Variants in IFFO2 observed in about 807,000 individuals in gnomAD.
IFFO2 encodes the protein intermediate filament family orphan 2.
A neutral mutation model predicts 53.5 loss-of-function variants in IFFO2; 19 were observed. The ratio of observed to expected loss-of-function variants is 0.36; its 90% CI spans 0.25 to 0.52. IFFO2 has a LOEUF of 0.52. Ranked by LOEUF, IFFO2 falls within the 20% of genes least tolerant of loss-of-function variation. The probability of loss-of-function intolerance (pLI) is 0.94; values close to 1 mark genes in which losing one functional copy is unlikely to be tolerated. For missense variants in IFFO2, 570 were observed against 727.4 expected, an observed-to-expected ratio of 0.78 and a Z score of 2.49; for synonymous variants, 303 against 313.6, an observed-to-expected ratio of 0.97 and a Z score of 0.36.
intron 1 of IFFO2, among the ~76,000 whole-genome samples, chr1:18,948,712 G>C (rs1936621181): frequency 6.6e-6 from 1 of 152,208 alleles, no homozygotes; most frequent in Non-Finnish European, 1.5e-5. Flanking sequence ...TCAAAGGGCT[G>C]TGCAACTCAC....
At chr1:18,913,834 T>C (rs1936085755) in intron 5 of IFFO2, among the ~76,000 whole-genome samples, 1 of 151,810 alleles carries the variant, frequency 6.6e-6, no homozygotes, top group Admixed American at 6.6e-5. Flanking sequence ...TTTTTTTGTT[T>C]GTTTGTTTGT....
chr1:18,945,561 G>A (rs572854625), intron 1 of IFFO2, among the ~76,000 whole-genome samples: 88 of 152,350 alleles, frequency 5.8e-4, no homozygotes, highest in African/African-American at 2.0e-3. Flanking sequence ...CGCTGTCTCC[G>A]CTGCAGGGGC....
chr1:18,918,307 AG>A lies in IFFO2; in HGVS notation c.963+54del. The A allele has an allele frequency of 6.5e-7, 1 of 1,528,510 alleles. No individual in the cohort carries two copies. Among genetic ancestry groups the A allele is most frequent in the East Asian group, 2.5e-5 (1 of 40,382 alleles). The allele number at this position is 1,528,510 out of a possible 1,614,324, so 94.7% of individuals were successfully genotyped here. A position where few individuals can be genotyped will look rare whatever the true frequency, so the allele number is the denominator to read the frequency against. ...GGTTGGCCGGGCAGGGGTGGAGGCC[AG>A]GGCTGCTCTGGGAGAGTGGGGGGTT... On this transcript the variant is annotated intron_variant, in intron 4 of 8. Transcript: ENST00000455833. This position sits in a 1 kb window ranked among gnomAD's most constrained non-coding sequence, Gnocchi z 5.2.
chr1:18,926,117 AGATG>A (rs150662588), intron 1 of IFFO2, among the ~76,000 whole-genome samples: 12,979 of 35,534 alleles, frequency 0.37, 2,900 homozygotes, highest in Middle Eastern at 0.51. Flanking sequence ...TTGGATGGAT[AGATG>A]GATGGATGGA....
intron 1 of IFFO2, among the ~76,000 whole-genome samples, chr1:18,939,033 G>A (rs566420755): frequency 6.6e-6 from 1 of 152,324 alleles, no homozygotes; most frequent in South Asian, 2.1e-4. Flanking sequence ...AATTACTGGT[G>A]TACACTCAGG....
intron 1 of IFFO2, among the ~76,000 whole-genome samples, chr1:18,923,963 C>A (rs1357856328): frequency 1.3e-5 from 2 of 152,214 alleles, no homozygotes; most frequent in African/African-American, 2.4e-5. Flanking sequence ...ACCACACCCC[C>A]AGGATGAGCT....
At chr1:18,929,657 ACTTGAGAGGT>A in intron 1 of IFFO2, among the ~76,000 whole-genome samples, 1 of 151,858 alleles carries the variant, frequency 6.6e-6, no homozygotes, top group Non-Finnish European at 1.5e-5. Context: ...CTCTGTGGTG[ACTTGAGAGGT>A]GAGAGGTGAG....
chr1:18,916,862 T>C lies in IFFO2; in HGVS notation c.1103+41A>G, dbSNP rs1003770900. The C allele has an allele frequency of 1.3e-6, 2 of 1,547,112 alleles. No individual in the cohort carries two copies. The highest frequency in any genetic ancestry group is 2.7e-5 in the African/African-American group (2 of 72,932). On this transcript the variant is annotated intron_variant, in intron 5 of 8. Transcript: ENST00000455833. The surrounding 1 kb of genome is among the most constrained non-coding windows in gnomAD (Gnocchi z 4.3). ...CCATTCACCGCCCCTGTGCAAGCAATCCGGGGAAACGGAGAGTGTGCGGGC... is the reference window on the plus strand; with the variant it reads ...CCATTCACCGCCCCTGTGCAAGCAACCCGGGGAAACGGAGAGTGTGCGGGC...
chr1:18,926,519 T>C (rs1936299997), intron 1 of IFFO2, among the ~76,000 whole-genome samples: 2 of 152,130 alleles, frequency 1.3e-5, no homozygotes, highest in Non-Finnish European at 2.9e-5. Context: ...TCGGCCACCA[T>C]CTTAGCAGAA....
chr1:18,920,647 GA>G (rs1315688810), intron 2 of IFFO2, among the ~76,000 whole-genome samples: 2 of 152,130 alleles, frequency 1.3e-5, no homozygotes, highest in African/African-American at 4.8e-5. Context: ...GCCCACCTGC[GA>G]CGTGCCCACC....
Position 18,918,553 on chromosome 1 carries a change from G to C in IFFO2, c.823-51C>G, listed in dbSNP as rs1274586623. Reference sequence around the variant, plus strand: ...ATGAGCGAGGGATGGAGCAAGCCTGGGGGGCTTGGCAGAGAGGTGGGGAGA... The same window carrying C: ...ATGAGCGAGGGATGGAGCAAGCCTGCGGGGCTTGGCAGAGAGGTGGGGAGA... On this transcript the variant is annotated intron_variant, in intron 3 of 8. Coordinates refer to ENST00000455833, the MANE Select transcript of IFFO2 (RefSeq NM_001136265.2). This position sits in a 1 kb window ranked among gnomAD's most constrained non-coding sequence, Gnocchi z 5.2. 6.5e-7 allele frequency: 1 copy of C among 1,541,528 alleles called. No individual in the cohort carries two copies. Among genetic ancestry groups the C allele is most frequent in the East Asian group, 2.5e-5 (1 of 40,700 alleles).
chr1:18,955,658 G>A lies in IFFO2; in HGVS notation c.665+10C>T, dbSNP rs1301551781. On this transcript the variant is annotated intron_variant, in intron 1 of 8. Transcript: ENST00000455833. ...CGTCCCAGGGCGGCGGGGGAGGGGCGGCCACTCACCTCCGCTTATACTCGT... is the reference window on the plus strand; with the variant it reads ...CGTCCCAGGGCGGCGGGGGAGGGGCAGCCACTCACCTCCGCTTATACTCGT... 8.3e-6 allele frequency: 13 copies of A among 1,564,494 alleles called. No individual in the cohort carries two copies. The highest frequency in any genetic ancestry group is 1.1e-5 in the Non-Finnish European group (13 of 1,160,584).
intron 1 of IFFO2, among the ~76,000 whole-genome samples, chr1:18,941,179 G>A (rs1284693732): frequency 2.6e-5 from 4 of 152,216 alleles, no homozygotes; most frequent in African/African-American, 9.7e-5. Context: ...ACATGTGTGC[G>A]GCTTCAAACA....
rs1936337183 is a variant in IFFO2, at chr1:18,928,926, T to A, written c.666-7805A>T. Among the ~76,000 whole-genome samples the A allele has an allele frequency of 6.6e-6, 1 of 152,190 alleles. No homozygotes were observed. Among genetic ancestry groups the A allele is most frequent in the South Asian group, 2.1e-4 (1 of 4,834 alleles). On this transcript the variant is annotated intron_variant, in intron 1 of 8. Coordinates refer to ENST00000455833, the MANE Select transcript of IFFO2 (RefSeq NM_001136265.2). The surrounding 1 kb of genome is among the most constrained non-coding windows in gnomAD (Gnocchi z 4.9). ...CCATCCGGAGTTATCCTGGGTGCCA[T>A]CAGGGCTCTGACAGCCTGCACTCAA...
At chr1:18,949,380 G>A (rs1025394392) in intron 1 of IFFO2, among the ~76,000 whole-genome samples, 9 of 152,214 alleles carry the variant, frequency 5.9e-5, no homozygotes, top group African/African-American at 9.6e-5. Context: ...GGCTGTGATC[G>A]GGAGGTGGTG....
At chr1:18,943,773 G>C (rs1010391965) in intron 1 of IFFO2, among the ~76,000 whole-genome samples, 1 of 152,206 alleles carries the variant, frequency 6.6e-6, no homozygotes, top group Non-Finnish European at 1.5e-5. Flanking sequence ...TGCCTTTTGC[G>C]ACATGGAGAC....
At chr1:18,950,222 C>A (rs1029050576) in intron 1 of IFFO2, among the ~76,000 whole-genome samples, 1 of 152,198 alleles carries the variant, frequency 6.6e-6, no homozygotes, top group Non-Finnish European at 1.5e-5. Flanking sequence ...TCTCCCTCCA[C>A]CCCCAACACC....
intron 1 of IFFO2, among the ~76,000 whole-genome samples, chr1:18,934,418 T>C (rs1364482145): frequency 6.7e-6 from 1 of 149,274 alleles, no homozygotes; most frequent in Non-Finnish European, 1.5e-5. Flanking sequence ...ATCCATGTTG[T>C]AGTGTGTGTC....
In IFFO2 at chr1:18,912,023, G is replaced by C. The variant is rs1397251712; in HGVS notation, c.1164C>G (p.Asp388Glu). Residue 388 changes from aspartate (D) to glutamate (E), a missense_variant, in exon 6 of 9, where the codon GAC (aspartate) becomes GAG (glutamate). Transcript: ENST00000455833. Reference protein sequence around the residue: ...CDSLTWEENEDTLLLWEDFTN... With the variant: ...CDSLTWEENEETLLLWEDFTN... ...TGAAATCCTCCCAGAGCAGCAGCGTGTCTTCATTCTCTTCCCACGTCAGGC... is the reference window on the plus strand; with the variant it reads ...TGAAATCCTCCCAGAGCAGCAGCGTCTCTTCATTCTCTTCCCACGTCAGGC... 4.5e-6 allele frequency: 7 copies of C among 1,551,694 alleles called. No homozygotes were observed. The highest frequency in any genetic ancestry group is 6.1e-6 in the Non-Finnish European group (7 of 1,147,014).
Sources: allele counts gnomAD v4.1 joint callset (sites outside exome capture counted in the v4.1 genomes callset), GRCh38; gene constraint gnomAD v4.1.1; non-coding constraint Gnocchi (gnomAD v3.1); transcripts MANE v1.5; gene names NCBI Gene and HGNC (gene_info 2026-07-23, HGNC 2026-07-21).